The following KALRN variants were observed in gnomAD, a reference collection of about 807,000 sequenced individuals.
KALRN encodes kalirin.
Under a neutral mutation model 353.7 loss-of-function variants are expected in KALRN, and 70 were observed. The ratio of observed to expected loss-of-function variants is 0.20; its 90% confidence interval spans 0.16 to 0.24. KALRN has a LOEUF of 0.24. KALRN is among the 10% of genes least tolerant of loss of function. The probability of loss-of-function intolerance (pLI) is 1.00; values close to 1 mark genes in which losing one functional copy is unlikely to be tolerated. For missense variants in KALRN, 2,791 were observed against 3,756.7 expected, an observed-to-expected ratio of 0.74 and a Z score of 6.72; for synonymous variants, 1,391 against 1,434.8, an observed-to-expected ratio of 0.97 and a Z score of 0.69.
At chr3:124,687,794 A>G (rs2061631404) in intron 51 of KALRN, among the ~76,000 whole-genome samples, 1 of 152,100 alleles carries the variant, frequency 6.6e-6, no homozygotes, top group East Asian at 1.9e-4. Context: ...CATCAACAAA[A>G]ATATCCTTTT....
At chr3:124,125,796 G>T (rs1294038488) in intron 1 of KALRN, among the ~76,000 whole-genome samples, 1 of 152,210 alleles carries the variant, frequency 6.6e-6, no homozygotes, top group African/African-American at 2.4e-5. Flanking sequence ...CTTAGGAGGA[G>T]TAAAGAGGTG....
chr3:124,281,220 C>A (rs1236039982), intron 5 of KALRN, among the ~76,000 whole-genome samples: 2 of 152,182 alleles, frequency 1.3e-5, no homozygotes, highest in Non-Finnish European at 2.9e-5. Flanking sequence ...AGTAAGCTTT[C>A]TCTAGCATAA....
chr3:124,632,216 G>A (rs1389978321), intron 34 of KALRN, among the ~76,000 whole-genome samples: 2 of 152,128 alleles, frequency 1.3e-5, no homozygotes, highest in Non-Finnish European at 1.5e-5. Context: ...CCATAGTACC[G>A]GGAATGGTGC....
chr3:124,660,939 G>A lies in KALRN; in HGVS notation c.6233G>A (p.Ser2078Asn), dbSNP rs1184944926. 1 of 1,610,980 alleles carries A rather than the reference G, an allele frequency of 6.2e-7. No individual in the cohort carries two copies. Among genetic ancestry groups the A allele is most frequent in the Non-Finnish European group, 8.5e-7 (1 of 1,177,414 alleles). ...QLLLKDFLRY[S>N]EKAGLECSDI... ...ACTTGTTAGGACTTCCTGAGATACA[G>A]TGAGAAGGCTGGTTTGGAGTGTTCA... The change falls in exon 44 of 60, where the codon AGT becomes AAT. Residue 2078 changes from serine to asparagine, a missense_variant. Transcript: ENST00000682506.
At chr3:124,501,573 T>C (rs2064547609) in intron 33 of KALRN, among the ~76,000 whole-genome samples, 1 of 152,194 alleles carries the variant, frequency 6.6e-6, no homozygotes, top group African/African-American at 2.4e-5. Context: ...TGACGCCAGT[T>C]AACAAGAGGC....
At chr3:124,415,972 A>G (rs1656811411) in intron 14 of KALRN, among the ~76,000 whole-genome samples, 1 of 152,206 alleles carries the variant, frequency 6.6e-6, no homozygotes, top group African/African-American at 2.4e-5. Context: ...GAAGTAGGGG[A>G]AACTGTAATC....
intron 5 of KALRN, among the ~76,000 whole-genome samples, chr3:124,277,023 C>T (rs112359119): frequency 1.2e-3 from 176 of 152,346 alleles, no homozygotes; most frequent in African/African-American, 4.1e-3. Flanking sequence ...AGGCTCCTTG[C>T]CGTGCAGGAC....
At chr3:124,329,229 A>G (rs2080249023) in intron 7 of KALRN, among the ~76,000 whole-genome samples, 1 of 152,202 alleles carries the variant, frequency 6.6e-6, no homozygotes, top group Non-Finnish European at 1.5e-5. Context: ...CTATGTCTAT[A>G]TATCACAACC....
intron 1 of KALRN, among the ~76,000 whole-genome samples, chr3:124,207,275 A>G (rs2076493961): frequency 6.6e-6 from 1 of 152,196 alleles, no homozygotes. Flanking sequence ...TTCCCCTGCC[A>G]GGAAAGGGGT....
At chr3:124,503,157 T>C (rs1487836686) in intron 33 of KALRN, among the ~76,000 whole-genome samples, 3 of 152,232 alleles carry the variant, frequency 2.0e-5, no homozygotes, top group African/African-American at 7.2e-5. Context: ...GGAGAGATTA[T>C]GCTGCCTGCC....
chr3:124,601,270 G>A (rs1413188487), intron 34 of KALRN, among the ~76,000 whole-genome samples: 1 of 152,224 alleles, frequency 6.6e-6, no homozygotes. Flanking sequence ...AATGCACTCA[G>A]TAAGTGTTAG....
chr3:124,248,921 C>CT (rs1336154293), intron 3 of KALRN, among the ~76,000 whole-genome samples: 1 of 152,236 alleles, frequency 6.6e-6, no homozygotes, highest in Non-Finnish European at 1.5e-5. Context: ...CCCTGGTTCC[C>CT]TACACAGGAA....
chr3:124,114,800 T>C (rs947677105), intron 1 of KALRN, among the ~76,000 whole-genome samples: 1 of 152,146 alleles, frequency 6.6e-6, no homozygotes, highest in East Asian at 1.9e-4. Flanking sequence ...CCAAAGCCAG[T>C]GGAATTTGGA....
chr3:124,536,037 G>A (rs571210267), intron 33 of KALRN, among the ~76,000 whole-genome samples: 1 of 152,152 alleles, frequency 6.6e-6, no homozygotes. Flanking sequence ...GCCAGAGTGT[G>A]ATAATATGCC....
intron 1 of KALRN, among the ~76,000 whole-genome samples, chr3:124,190,926 A>G (rs1015271184): frequency 3.3e-5 from 5 of 152,140 alleles, no homozygotes; most frequent in Non-Finnish European, 7.4e-5. Context: ...TCAGATACCA[A>G]TCATCAGCCC....
At chr3:124,300,726 A>C (rs996943496) in intron 6 of KALRN, among the ~76,000 whole-genome samples, 1 of 152,246 alleles carries the variant, frequency 6.6e-6, no homozygotes, top group Non-Finnish European at 1.5e-5. Flanking sequence ...GGTGAACATC[A>C]TGAGACTTGC....
intron 47 of KALRN, among the ~76,000 whole-genome samples, chr3:124,670,157 AT>A (rs761246365): frequency 6.6e-6 from 1 of 152,110 alleles, no homozygotes; most frequent in Non-Finnish European, 1.5e-5. Context: ...TAATTTTTGT[AT>A]TTTTAGTAGA....
intron 1 of KALRN, among the ~76,000 whole-genome samples, chr3:124,134,152 A>C (rs2065645297): frequency 6.6e-6 from 1 of 152,244 alleles, no homozygotes; most frequent in Admixed American, 6.5e-5. Flanking sequence ...TATAGTCACC[A>C]AAACAGCGTG....
At chr3:124,323,918 G>T (rs12489449) in intron 6 of KALRN, among the ~76,000 whole-genome samples, 143,060 of 152,214 alleles carry the variant, frequency 0.94, 67,868 homozygotes, top group East Asian at 1. Context: ...ACTGACAGCT[G>T]CCTGCATTTA....
Sources: allele counts gnomAD v4.1 joint callset (sites outside exome capture counted in the v4.1 genomes callset), GRCh38; gene constraint gnomAD v4.1.1; transcripts MANE v1.5; gene names NCBI Gene and HGNC (gene_info 2026-07-23, HGNC 2026-07-21).